TIMM22: variants seen among roughly 807,000 people sequenced by gnomAD.
The protein encoded by TIMM22 is translocase of inner mitochondrial membrane 22, also known as mitochondrial import inner membrane translocase subunit Tim22.
TIMM22 carries 12 observed loss-of-function variants against 18.3 expected under a neutral mutation model. That is an observed-to-expected ratio of 0.65 (90% CI 0.42 to 1.06). The LOEUF (loss-of-function observed/expected upper bound fraction) is 1.06. Among genes scored for constraint, TIMM22 ranks in the 50% least tolerant of loss-of-function variants. The pLI, the probability that TIMM22 is intolerant of heterozygous loss-of-function variation, is 0.00. For missense variants in TIMM22, 278 were observed against 252.8 expected (o/e 1.10, Z -0.68); for synonymous variants, 107 against 98.5 (o/e 1.09, Z -0.51).
At position 1,000,458 on chromosome 17, in the gene TIMM22, T is replaced by C. The variant is rs571870485; in HGVS notation, c.509-554T>C. Among the ~76,000 whole-genome samples the C allele has an allele frequency of 2.0e-5, 3 of 152,272 alleles. No individual in the cohort carries two copies. In the South Asian group the frequency reaches 6.2e-4, roughly 32 times the overall value. ...CAGCAGTGTTTTATCACTGGGCCAC[T>C]TTCCATCTGTCATGCCCTAACTTAC... On this transcript the variant is annotated intron_variant, in intron 3 of 3. Coordinates refer to ENST00000327158, the MANE Select transcript of TIMM22 (RefSeq NM_013337.4).
intron 3 of TIMM22, among the ~76,000 whole-genome samples, chr17:1,000,061 A>T (rs1056572161): frequency 2.6e-5 from 1 of 38,600 alleles, no homozygotes; most frequent in Non-Finnish European, 5.3e-5. Context: ...CACCATGCTC[A>T]GCTAATTTTT....
intron 3 of TIMM22, 72 bp from the exon 4 acceptor site, chr17:1,000,940 C>A: frequency 6.5e-7 from 1 of 1,534,576 alleles, no homozygotes; most frequent in Non-Finnish European, 9.0e-7. Flanking sequence ...TGAGGGTGTG[C>A]CAACTTTCCG....
At position 1,003,159 on chromosome 17, in the gene TIMM22, G is replaced by A. The variant is rs976586700; in HGVS notation, c.*2071G>A. ...AAGATATGCCACTTTGAAGGAAAGC[G>A]TAGAGAAGCGTTTACATAAAAGAAG... On this transcript the variant is annotated 3_prime_UTR_variant, in exon 4 of 4. Coordinates refer to ENST00000327158, the MANE Select transcript of TIMM22 (RefSeq NM_013337.4). 3 of 152,182 alleles carry A rather than the reference G, an allele frequency of 2.0e-5. No homozygotes were observed. Among genetic ancestry groups the A allele is most frequent in the Admixed American group, 1.3e-4 (2 of 15,276 alleles). The allele number at this position is 152,182 out of a possible 1,614,324, so 9.4% of individuals were successfully genotyped here. A position where few individuals can be genotyped will look rare whatever the true frequency, so the allele number is the denominator to read the frequency against.
rs2069776570 is a variant in TIMM22 at position 1,002,674 on chromosome 17, C to T, written c.*1586C>T. ...TAGAGCTCAGAACAAATTGTTTCCT[C>T]TGCTGTCCCTAAATATAGGACACCT... On this transcript the variant is annotated 3_prime_UTR_variant, in exon 4 of 4. Coordinates refer to ENST00000327158, the MANE Select transcript of TIMM22 (RefSeq NM_013337.4). The T allele has an allele frequency of 6.6e-6, 1 of 152,214 alleles. No homozygotes were observed. The highest frequency in any genetic ancestry group is 1.5e-5 in the Non-Finnish European group (1 of 68,034). The allele number at this position is 152,214 out of a possible 1,614,324, so 9.4% of individuals were successfully genotyped here.
At position 998,793 on chromosome 17, in the gene TIMM22, G is replaced by A. The variant is rs766948669; in HGVS notation, c.253G>A (p.Gly85Ser). ...LACVGGFVLG[G>S]AFGVFTAGID... ...TTTGCTTCTAGGATTTGTCTTAGGAGGTGCATTTGGGGTGTTTACCGCTGG... is the reference window on the plus strand; with the variant it reads ...TTTGCTTCTAGGATTTGTCTTAGGAAGTGCATTTGGGGTGTTTACCGCTGG... The change falls in exon 2 of 4, where the codon GGT becomes AGT. Residue 85 changes from glycine to serine, a missense_variant. Gly to Ser is a moderately conservative substitution (Grantham distance 56, BLOSUM62 0). Transcript: ENST00000327158. 6.2e-6 allele frequency: 10 copies of A among 1,613,562 alleles called. No homozygotes were observed. The South Asian group carries it at 9.9e-5, about 16-fold the overall frequency.
At position 1,001,292 on chromosome 17, in the gene TIMM22, C is replaced by T. The variant is rs1332495005; in HGVS notation, c.*204C>T. On this transcript the variant is annotated 3_prime_UTR_variant, in exon 4 of 4. Coordinates refer to ENST00000327158, the MANE Select transcript of TIMM22 (RefSeq NM_013337.4). ...ACACTTTGCTGCTCCTGGACTCCAGCCAGCCTTCACAGAGGACGTCCCGTG... is the reference window on the plus strand; with the variant it reads ...ACACTTTGCTGCTCCTGGACTCCAGTCAGCCTTCACAGAGGACGTCCCGTG... 3.7e-6 allele frequency: 2 copies of T among 533,784 alleles called. No homozygotes were observed. Among genetic ancestry groups the T allele is most frequent in the African/African-American group, 3.8e-5 (2 of 52,060 alleles). 33.1% of individuals were successfully genotyped at this position (533,784 alleles called of 1,614,324 possible). A position where few individuals can be genotyped will look rare whatever the true frequency, so the allele number is the denominator to read the frequency against.
intron 3 of TIMM22, 55 bp downstream of exon 3, chr17:999,639 G>A (rs2069723639): frequency 6.5e-7 from 1 of 1,537,890 alleles, no homozygotes; most frequent in Admixed American, 1.7e-5. Flanking sequence ...AACGTGCTGA[G>A]GTTGTCATTT....
chr17:999,594 C>T lies in TIMM22; in HGVS notation c.508+10C>T, dbSNP rs376490889. On this transcript the variant is annotated intron_variant, in intron 3 of 3. Transcript: ENST00000327158. ...GCTATTGGTTTCAGAGGTTAGTAAA[C>T]GGCTCTCGAATGCTTTTTCTTTGTG... is the stretch of plus-strand genomic sequence containing the variant. The T allele has an allele frequency of 1.7e-5, 27 of 1,611,980 alleles. No homozygotes were observed. Among genetic ancestry groups the T allele is most frequent in the Middle Eastern group, 1.7e-4 (1 of 6,054 alleles).
intron 3 of TIMM22, among the ~76,000 whole-genome samples, chr17:1,000,066 A>AT (rs79776948): frequency 6.6e-6 from 1 of 150,554 alleles, no homozygotes; most frequent in South Asian, 2.1e-4. Context: ...TGCTCAGCTA[A>AT]TTTTTATTTT....
intron 2 of TIMM22, among the ~76,000 whole-genome samples, 154 bp from the exon 3 acceptor site, chr17:999,358 T>TATATATATATATATATATATACAC (rs1408779709): frequency 4.5e-5 from 6 of 132,580 alleles, no homozygotes; most frequent in African/African-American, 1.9e-4. Flanking sequence ...TATATATATA[T>TATATATATATATATATATATACAC]ACACGCTGTA....
chr17:997,509 T>C (rs2069695758), intron 1 of TIMM22, 129 bp downstream of exon 1: 1 of 898,454 alleles, frequency 1.1e-6, no homozygotes, highest in Non-Finnish European at 1.7e-6. Context: ...CCTCGCCTCG[T>C]TCGTGAATCG....
chr17:999,100 C>A, intron 2 of TIMM22, 125 bp downstream of exon 2: 1 of 990,116 alleles, frequency 1.0e-6, no homozygotes, highest in Non-Finnish European at 1.5e-6. Flanking sequence ...GCATCAGATA[C>A]ATTCTAGGTT....
chr17:997,391 G>A lies in TIMM22; in HGVS notation c.238+11G>A. The A allele has an allele frequency of 6.2e-7, 1 of 1,610,560 alleles. No homozygotes were observed. The highest frequency in any genetic ancestry group is 8.5e-7 in the Non-Finnish European group (1 of 1,178,200). On this transcript the variant is annotated intron_variant, in intron 1 of 3. Transcript: ENST00000327158. ...TGGCCTGCGTGGGAGGTGAGGCCGG[G>A]CGATGGGACCCTTGGGAGGCTGAGG...
Position 1,003,169 on chromosome 17 carries a change from G to A in TIMM22, c.*2081G>A, listed in dbSNP as rs1053646020. ...ACTTTGAAGGAAAGCGTAGAGAAGC[G>A]TTTACATAAAAGAAGACGCTTCCTG... is the stretch of plus-strand genomic sequence containing the variant. On this transcript the variant is annotated 3_prime_UTR_variant, in exon 4 of 4. Coordinates refer to ENST00000327158, the MANE Select transcript of TIMM22 (RefSeq NM_013337.4). 4 of 152,216 alleles carry A rather than the reference G, an allele frequency of 2.6e-5. No homozygotes were observed. Among genetic ancestry groups the A allele is most frequent in the Non-Finnish European group, 4.4e-5 (3 of 68,044 alleles). The allele number at this position is 152,216 out of a possible 1,614,324, so 9.4% of individuals were successfully genotyped here.
Position 1,001,679 on chromosome 17 carries a change from A to C in TIMM22, c.*591A>C, listed in dbSNP as rs890575790. 1 of 152,930 alleles carries C rather than the reference A, an allele frequency of 6.5e-6. No individual in the cohort carries two copies. Among genetic ancestry groups the C allele is most frequent in the African/African-American group, 2.4e-5 (1 of 41,440 alleles). 9.5% of individuals were successfully genotyped at this position (152,930 alleles called of 1,614,324 possible). ...TTTATTTTCAAATTCCCTATTCCAA[A>C]AATAGTGCCGGGTGGCCCAAAGATA... is the stretch of plus-strand genomic sequence containing the variant. On this transcript the variant is annotated 3_prime_UTR_variant, in exon 4 of 4. Transcript: ENST00000327158.
rs2069739244 is a variant in TIMM22 at position 1,001,045 on chromosome 17, G to T, written c.542G>T (p.Gly181Val). Residue 181 changes from glycine (G) to valine (V), a missense_variant, in exon 4 of 4, where the codon GGT becomes GTT. Gly to Val is a moderately radical substitution (Grantham distance 109, BLOSUM62 -3). Coordinates refer to ENST00000327158, the MANE Select transcript of TIMM22 (RefSeq NM_013337.4). ...GLKAGAIGCG[G>V]FAAFSAAIDY... Reference sequence around the variant, plus strand: ...AAGGCTGGGGCCATTGGTTGTGGAGGTTTTGCTGCTTTCTCTGCTGCGATT... The same window carrying T: ...AAGGCTGGGGCCATTGGTTGTGGAGTTTTTGCTGCTTTCTCTGCTGCGATT... 1.9e-6 allele frequency: 3 copies of T among 1,614,100 alleles called. No homozygotes were observed. Among genetic ancestry groups the T allele is most frequent in the Non-Finnish European group, 2.5e-6 (3 of 1,179,994 alleles).
In TIMM22 at chr17:1,002,664, A is replaced by ATTGT. The variant is rs2069776390; in HGVS notation, c.*1579_*1582dup. On this transcript the variant is annotated 3_prime_UTR_variant, in exon 4 of 4. Coordinates refer to ENST00000327158, the MANE Select transcript of TIMM22 (RefSeq NM_013337.4). ...GAGCGTTCCCTAGAGCTCAGAACAA[A>ATTGT]TTGTTTCCTCTGCTGTCCCTAAATA... The ATTGT allele has an allele frequency of 6.6e-6, 1 of 152,190 alleles. No individual in the cohort carries two copies. Among genetic ancestry groups the ATTGT allele is most frequent in the African/African-American group, 2.4e-5 (1 of 41,430 alleles). The allele number at this position is 152,190 out of a possible 1,614,324, so 9.4% of individuals were successfully genotyped here.
chr17:997,369 C>T lies in TIMM22; in HGVS notation c.227C>T (p.Ala76Val), dbSNP rs1200486557. The change falls in exon 1 of 4, where the codon GCC (alanine) becomes GTC (valine). Residue 76 changes from alanine to valine, a missense_variant. Physicochemically the swap from Ala to Val is moderately conservative, Grantham distance 64. Coordinates refer to ENST00000327158, the MANE Select transcript of TIMM22 (RefSeq NM_013337.4). ...AGCTGCGCTTTCAAGGCTGCGCTGG[C>T]CTGCGTGGGAGGTGAGGCCGGGCGA... ...MESCAFKAAL[A>V]CVGGFVLGGA... 6 of 1,612,906 alleles carry T rather than the reference C, an allele frequency of 3.7e-6. No homozygotes were observed. The highest frequency in any genetic ancestry group is 3.3e-5 in the Admixed American group (2 of 59,856).
In TIMM22 at chr17:998,766, T is replaced by C. The variant is rs1383555485; in HGVS notation, c.239-13T>C. On this transcript the variant is annotated splice_polypyrimidine_tract_variant and intron_variant, in intron 1 of 3. Coordinates refer to ENST00000327158, the MANE Select transcript of TIMM22 (RefSeq NM_013337.4). ...CATGCCAAAGACACCTTCATCTCTGTGTTTGCTTCTAGGATTTGTCTTAGG... is the reference window on the plus strand; with the variant it reads ...CATGCCAAAGACACCTTCATCTCTGCGTTTGCTTCTAGGATTTGTCTTAGG... 6.2e-7 allele frequency: 1 copy of C among 1,609,060 alleles called. No homozygotes were observed. The highest frequency in any genetic ancestry group is 1.1e-5 in the South Asian group (1 of 90,804).
Sources: gnomAD v4.1 joint callset for allele counts (sites outside exome capture counted in the v4.1 genomes callset) on GRCh38, gnomAD v4.1.1 for gene constraint, MANE v1.5 for transcripts, NCBI Gene and HGNC (gene_info 2026-07-23, HGNC 2026-07-21) for gene names.